ANAPC10: variants seen among roughly 807,000 people sequenced by gnomAD.
The protein encoded by ANAPC10 is anaphase promoting complex subunit 10.
Under a neutral mutation model 22.0 loss-of-function variants are expected in ANAPC10, and 12 were observed. The observed-to-expected ratio is 0.55, with a 90% CI of 0.35 to 0.88. ANAPC10 has a LOEUF of 0.88. Among genes scored for constraint, ANAPC10 ranks in the 40% least tolerant of loss-of-function variants. The pLI is 0.01. For missense variants in ANAPC10, 188 were observed against 220.9 expected, an observed-to-expected ratio of 0.85 and a Z score of 0.94; for synonymous variants, 65 against 69.5, an observed-to-expected ratio of 0.94 and a Z score of 0.32.
intron 3 of ANAPC10, among the ~76,000 whole-genome samples, chr4:145,066,207 T>C (rs549806168): frequency 3.2e-4 from 48 of 152,220 alleles, no homozygotes; most frequent in East Asian, 5.8e-4. Context: ...TAGAAAGGAA[T>C]AGGGAAAGTT....
chr4:145,049,678 T>A (rs577344549), intron 4 of ANAPC10, among the ~76,000 whole-genome samples: 15 of 152,116 alleles, frequency 9.9e-5, no homozygotes, highest in Non-Finnish European at 1.9e-4. Context: ...CACCTAGGCT[T>A]AAGCAATCCT....
chr4:145,001,534 A>G (rs1194803361), intron 4 of ANAPC10, among the ~76,000 whole-genome samples: 1 of 152,214 alleles, frequency 6.6e-6, no homozygotes, highest in Non-Finnish European at 1.5e-5. Context: ...GACGATGTAT[A>G]GTTCTTAAAT....
intron 2 of ANAPC10, among the ~76,000 whole-genome samples, chr4:145,085,797 T>G (rs1746801053): frequency 6.6e-6 from 1 of 152,118 alleles, no homozygotes; most frequent in South Asian, 2.1e-4. Context: ...AAACATCTCC[T>G]TATGTGCCAA....
intron 4 of ANAPC10, among the ~76,000 whole-genome samples, chr4:145,007,747 T>C (rs953977903): frequency 1.3e-5 from 2 of 149,940 alleles, no homozygotes; most frequent in African/African-American, 4.9e-5. Flanking sequence ...ATTGACACAA[T>C]AACATCACAA....
At chr4:145,035,909 T>C (rs1443716693) in intron 4 of ANAPC10, among the ~76,000 whole-genome samples, 1 of 152,154 alleles carries the variant, frequency 6.6e-6, no homozygotes, top group Admixed American at 6.5e-5. Context: ...GACCTTCCAC[T>C]GGTAGCAGAT....
At chr4:145,054,569 A>C (rs1741655245) in intron 4 of ANAPC10, among the ~76,000 whole-genome samples, 1 of 151,162 alleles carries the variant, frequency 6.6e-6, no homozygotes, top group African/African-American at 2.4e-5. Context: ...AAAAAAAAAA[A>C]AAAACTTACC....
At chr4:145,037,036 GTGTA>G (rs200563461) in intron 4 of ANAPC10, among the ~76,000 whole-genome samples, 8,059 of 123,046 alleles carry the variant, frequency 0.065, 357 homozygotes, top group South Asian at 0.14. Context: ...GTGTGTGTGT[GTGTA>G]TGTGTGTGCA....
intron 4 of ANAPC10, among the ~76,000 whole-genome samples, chr4:145,025,155 G>A (rs577466513): frequency 4.3e-4 from 65 of 152,274 alleles, no homozygotes; most frequent in Admixed American, 1.0e-3. Flanking sequence ...TTTGACTTAA[G>A]GGAATGTTGT....
intron 3 of ANAPC10, among the ~76,000 whole-genome samples, chr4:145,077,300 A>G (rs1745339314): frequency 6.6e-6 from 1 of 152,196 alleles, no homozygotes; most frequent in Non-Finnish European, 1.5e-5. Flanking sequence ...GACCAAAACT[A>G]CAACTCATTG....
At chr4:145,015,898 C>G (rs974959781) in intron 4 of ANAPC10, among the ~76,000 whole-genome samples, 1 of 152,144 alleles carries the variant, frequency 6.6e-6, no homozygotes, top group Non-Finnish European at 1.5e-5. Context: ...ACAAAATTCA[C>G]CACTGCCAAG....
At chr4:145,069,509 G>A (rs896268977) in intron 3 of ANAPC10, among the ~76,000 whole-genome samples, 1 of 152,202 alleles carries the variant, frequency 6.6e-6, no homozygotes, top group African/African-American at 2.4e-5. Context: ...AGTGGGCACA[G>A]AGGACTGGGA....
intron 4 of ANAPC10, among the ~76,000 whole-genome samples, chr4:145,015,239 A>G (rs1734926645): frequency 6.6e-6 from 1 of 152,040 alleles, no homozygotes; most frequent in Admixed American, 6.6e-5. Flanking sequence ...TAGCATAAAG[A>G]AAAAACAATC....
chr4:145,024,494 C>T (rs1342265633), intron 4 of ANAPC10, among the ~76,000 whole-genome samples: 2 of 152,166 alleles, frequency 1.3e-5, no homozygotes, highest in African/African-American at 4.8e-5. Context: ...GATGTTGTAT[C>T]AGCAAACATG....
intron 4 of ANAPC10, among the ~76,000 whole-genome samples, chr4:145,033,529 C>T (rs1369802197): frequency 6.6e-6 from 1 of 152,122 alleles, no homozygotes; most frequent in Non-Finnish European, 1.5e-5. Context: ...GTCTACTACT[C>T]CACAATGGAA....
At chr4:145,094,445 T>C (rs1445956810) in intron 2 of ANAPC10, among the ~76,000 whole-genome samples, 1 of 152,154 alleles carries the variant, frequency 6.6e-6, no homozygotes, top group African/African-American at 2.4e-5. Flanking sequence ...TTCACAGAAC[T>C]GTACACCTAA....
chr4:145,088,359 C>T (rs999818326), intron 2 of ANAPC10, among the ~76,000 whole-genome samples: 2 of 152,102 alleles, frequency 1.3e-5, no homozygotes, highest in African/African-American at 4.8e-5. Context: ...GAGCTCCCAG[C>T]CTCTACAGTC....
intron 3 of ANAPC10, among the ~76,000 whole-genome samples, chr4:145,072,233 C>T (rs1744592540): frequency 6.6e-6 from 1 of 152,130 alleles, no homozygotes; most frequent in African/African-American, 2.4e-5. Flanking sequence ...TATATGCTCC[C>T]CACCAAGTTC....
At chr4:145,024,094 G>C (rs539558366) in intron 4 of ANAPC10, among the ~76,000 whole-genome samples, 101 of 152,276 alleles carry the variant, frequency 6.6e-4, no homozygotes, top group African/African-American at 2.3e-3. Context: ...TCAATAAGAT[G>C]CAACTCCTCA....
intron 4 of ANAPC10, among the ~76,000 whole-genome samples, chr4:145,002,616 G>GAGTAGATTC (rs1732747422): frequency 6.6e-6 from 1 of 152,046 alleles, no homozygotes; most frequent in Non-Finnish European, 1.5e-5. Flanking sequence ...TCATCTGCAT[G>GAGTAGATTC]ACAATTCTGA....
Sources: allele counts gnomAD v4.1 joint callset (sites outside exome capture counted in the v4.1 genomes callset), GRCh38; gene constraint gnomAD v4.1.1; transcripts MANE v1.5; gene names NCBI Gene and HGNC (gene_info 2026-07-23, HGNC 2026-07-21).